The following CDKAL1 variants were observed in gnomAD, a reference collection of about 807,000 sequenced individuals.
CDKAL1 encodes threonylcarbamoyladenosine tRNA methylthiotransferase.
CDKAL1 carries 32 observed loss-of-function variants against 68.2 expected under a neutral mutation model. The observed-to-expected ratio is 0.47, with a 90% CI of 0.35 to 0.63. The LOEUF (loss-of-function observed/expected upper bound fraction) is 0.63, where lower values mean the gene tolerates loss of function less well. CDKAL1 is among the 30% of genes least tolerant of loss of function. CDKAL1 has a pLI of 0.00. For synonymous variants in CDKAL1, 234 were observed against 244.3 expected (o/e 0.96, Z 0.39); for missense variants, 606 against 696.7 (o/e 0.87, Z 1.47).
chr6:20,854,125 GGA>G (rs1276162666), intron 9 of CDKAL1, among the ~76,000 whole-genome samples: 1 of 152,152 alleles, frequency 6.6e-6, no homozygotes, highest in Non-Finnish European at 1.5e-5. Context: ...TCCTAGTTTA[GGA>G]GAGAGAGTAG....
At chr6:20,991,683 G>C (rs1561942697) in intron 10 of CDKAL1, among the ~76,000 whole-genome samples, 2 of 142,708 alleles carry the variant, frequency 1.4e-5, no homozygotes, top group Non-Finnish European at 3.0e-5. Flanking sequence ...CTCCAGCCTG[G>C]GTGACAGAGT....
intron 9 of CDKAL1, among the ~76,000 whole-genome samples, chr6:20,937,545 A>G (rs1348046222): frequency 6.6e-6 from 1 of 152,204 alleles, no homozygotes; most frequent in Non-Finnish European, 1.5e-5. Flanking sequence ...AGGATCCCAC[A>G]TTACATGTGG....
chr6:21,062,318 T>C (rs1163767300), intron 11 of CDKAL1, among the ~76,000 whole-genome samples: 1 of 152,240 alleles, frequency 6.6e-6, no homozygotes, highest in African/African-American at 2.4e-5. Context: ...CCATAACTTT[T>C]ATTTTTAGCT....
At chr6:20,830,351 T>C (rs2150461426) in intron 8 of CDKAL1, among the ~76,000 whole-genome samples, 1 of 152,320 alleles carries the variant, frequency 6.6e-6, no homozygotes, top group East Asian at 1.9e-4. Flanking sequence ...GCCCTATATC[T>C]TTATAGCACT....
intron 4 of CDKAL1, among the ~76,000 whole-genome samples, chr6:20,630,517 C>A (rs1225931049): frequency 6.7e-6 from 1 of 149,180 alleles, no homozygotes; most frequent in Non-Finnish European, 1.5e-5. Flanking sequence ...TTTTTTCTAC[C>A]TTTTCATGAA....
intron 5 of CDKAL1, among the ~76,000 whole-genome samples, chr6:20,715,319 T>C (rs1222165922): frequency 6.6e-6 from 1 of 152,194 alleles, no homozygotes; most frequent in African/African-American, 2.4e-5. Flanking sequence ...GATGCAATAT[T>C]TTTCTTTCTG....
intron 13 of CDKAL1, among the ~76,000 whole-genome samples, chr6:21,171,379 A>G (rs1777378418): frequency 1.3e-5 from 2 of 151,866 alleles, no homozygotes; most frequent in Non-Finnish European, 2.9e-5. Context: ...CACCTGGCTA[A>G]TTTTTGTATT....
At chr6:20,712,007 C>T (rs1771868946) in intron 5 of CDKAL1, among the ~76,000 whole-genome samples, 1 of 151,792 alleles carries the variant, frequency 6.6e-6, no homozygotes, top group South Asian at 2.1e-4. Context: ...TTTTTTTAAC[C>T]CCACCTTTGG....
At chr6:20,759,211 T>C (rs978069735) in intron 7 of CDKAL1, among the ~76,000 whole-genome samples, 2 of 152,156 alleles carry the variant, frequency 1.3e-5, no homozygotes, top group African/African-American at 4.8e-5. Context: ...ATGAATTTAG[T>C]TTGAATTTCA....
intron 13 of CDKAL1, among the ~76,000 whole-genome samples, chr6:21,173,403 T>C (rs945222671): frequency 4.6e-5 from 7 of 152,314 alleles, no homozygotes; most frequent in African/African-American, 1.7e-4. Context: ...GGAAAGTGTT[T>C]TAAATTTTCA....
chr6:20,835,121 G>C (rs1777877589), intron 8 of CDKAL1, among the ~76,000 whole-genome samples: 1 of 152,128 alleles, frequency 6.6e-6, no homozygotes, highest in African/African-American at 2.4e-5. Flanking sequence ...TGGGCACTTG[G>C]GTAGAGGGTT....
chr6:20,940,268 C>T (rs925533272), intron 9 of CDKAL1, among the ~76,000 whole-genome samples: 9 of 152,114 alleles, frequency 5.9e-5, no homozygotes, highest in Admixed American at 2.6e-4. Flanking sequence ...CATATCACTT[C>T]ACTGTGAAGA....
chr6:21,083,220 A>G (rs181800777), intron 12 of CDKAL1, among the ~76,000 whole-genome samples: 198 of 152,170 alleles, frequency 1.3e-3, no homozygotes, highest in Non-Finnish European at 2.4e-3. Context: ...ATTTTATACA[A>G]TGTTTTTAAT....
chr6:20,542,582 C>T (rs776002670), intron 2 of CDKAL1, among the ~76,000 whole-genome samples: 1 of 152,054 alleles, frequency 6.6e-6, no homozygotes, highest in Non-Finnish European at 1.5e-5. Context: ...ATTCCCCCCC[C>T]ATTTTTTTCT....
intron 5 of CDKAL1, among the ~76,000 whole-genome samples, chr6:20,691,523 G>A (rs1223160197): frequency 6.6e-6 from 1 of 152,044 alleles, no homozygotes; most frequent in Non-Finnish European, 1.5e-5. Flanking sequence ...CTTATTAGAG[G>A]AGGCCTTATT....
chr6:20,825,437 C>T (rs2150450558), intron 8 of CDKAL1, among the ~76,000 whole-genome samples: 1 of 152,124 alleles, frequency 6.6e-6, no homozygotes, highest in East Asian at 1.9e-4. Context: ...CAGTTCTGCT[C>T]AGAATGTGGA....
At chr6:20,784,412 C>T (rs369174995) in intron 8 of CDKAL1, among the ~76,000 whole-genome samples, 729 of 33,348 alleles carry the variant, frequency 0.022, 6 homozygotes, top group East Asian at 0.037. Flanking sequence ...TATTTTATTT[C>T]TTTTTTTTTT....
rs764777781 is a variant in CDKAL1 at position 20,781,258 on chromosome 6, A to G, written c.631A>G (p.Asn211Asp). Residue 211 changes from asparagine to aspartate, a missense_variant, in exon 8 of 16, where the codon AAT becomes GAT. Coordinates refer to ENST00000274695, the MANE Select transcript of CDKAL1 (RefSeq NM_017774.3). ...TCCACTGATAGAAATCATTTCCATCAATACCGGGTAAGCATCTCTCAAACT... is the reference window on the plus strand; with the variant it reads ...TCCACTGATAGAAATCATTTCCATCGATACCGGGTAAGCATCTCTCAAACT... ...KNPLIEIISINTGCLNACTYC... is the reference protein window; with the variant it reads ...KNPLIEIISIDTGCLNACTYC... The G allele has an allele frequency of 6.2e-7, 1 of 1,611,914 alleles. No homozygotes were observed. The highest frequency in any genetic ancestry group is 8.5e-7 in the Non-Finnish European group (1 of 1,179,272).
At chr6:21,075,348 T>C (rs1246006892) in intron 12 of CDKAL1, among the ~76,000 whole-genome samples, 1 of 152,132 alleles carries the variant, frequency 6.6e-6, no homozygotes, top group African/African-American at 2.4e-5. Flanking sequence ...TAATCTATTA[T>C]GGCAGAGCTC....
Sources: allele counts gnomAD v4.1 joint callset (sites outside exome capture counted in the v4.1 genomes callset), GRCh38; gene constraint gnomAD v4.1.1; transcripts MANE v1.5; gene names NCBI Gene and HGNC (gene_info 2026-07-23, HGNC 2026-07-21).